Variants in RNLS observed in about 807,000 individuals in gnomAD.
The protein encoded by RNLS is renalase, FAD dependent amine oxidase.
RNLS carries 39 observed loss-of-function variants against 39.8 expected under a neutral mutation model. That is an observed-to-expected ratio of 0.98 (90% CI 0.76 to 1.28). The LOEUF (loss-of-function observed/expected upper bound fraction) is 1.28, where lower values mean the gene tolerates loss of function less well. Among genes scored for constraint, RNLS ranks in the 50% most tolerant of loss-of-function variants. RNLS has a pLI of 0.00. For synonymous variants in RNLS, 147 were observed against 150.7 expected (o/e 0.98, Z 0.18); for missense variants, 410 against 413.3 (o/e 0.99, Z 0.07).
intron 4 of RNLS, among the ~76,000 whole-genome samples, chr10:88,411,892 G>A (rs989823400): frequency 6.6e-6 from 1 of 152,074 alleles, no homozygotes; most frequent in Non-Finnish European, 1.5e-5. Context: ...GCGATGACAT[G>A]GAGCTGTGTG....
At chr10:88,425,329 C>A (rs1315436941) in intron 4 of RNLS, among the ~76,000 whole-genome samples, 1 of 152,062 alleles carries the variant, frequency 6.6e-6, no homozygotes, top group Non-Finnish European at 1.5e-5. Context: ...TCCCCACTAC[C>A]CCTGCCCCAA....
At chr10:88,282,303 A>G (rs1484753408), downstream of RNLS, among the ~76,000 whole-genome samples, 1 of 152,092 alleles carries the variant, frequency 6.6e-6, no homozygotes, top group Admixed American at 6.6e-5. Context: ...TGGCAGCAGC[A>G]TGGTGCCTGT....
At position 88,284,832 on chromosome 10, in the gene RNLS, A is replaced by G. The variant is rs543514291; in HGVS notation, c.*522T>C. 19 of 985,466 alleles carry G rather than the reference A, an allele frequency of 1.9e-5. 1 individual carries two copies. In the African/African-American group the frequency reaches 3.0e-4, roughly 15 times the overall value. The allele number at this position is 985,466 out of a possible 1,614,324, so 61.0% of individuals were successfully genotyped here. A position where few individuals can be genotyped will look rare whatever the true frequency, so the allele number is the denominator to read the frequency against. ...TGATGACATATATGACCTACAATTC[A>G]GGATCACTTAATAACTTGGGGGATA... On this transcript the variant is annotated 3_prime_UTR_variant, in exon 7 of 7. Coordinates refer to ENST00000331772, the MANE Select transcript of RNLS (RefSeq NM_001031709.3).
chr10:88,438,915 C>T (rs1841557866), intron 4 of RNLS, among the ~76,000 whole-genome samples: 1 of 150,264 alleles, frequency 6.7e-6, no homozygotes. Context: ...TAACCAGAAT[C>T]GATTTCTGTA....
intron 5 of RNLS, among the ~76,000 whole-genome samples, chr10:88,315,954 G>A (rs776385388): frequency 4.0e-4 from 61 of 152,090 alleles, no homozygotes; most frequent in African/African-American, 1.3e-3. Flanking sequence ...AGCTTCCTCA[G>A]TGTTGCCTAA....
At chr10:88,257,950 TA>T in the RNLS span, among the ~76,000 whole-genome samples, 1,887 of 151,636 alleles carry the variant, frequency 0.012, 45 homozygotes, top group African/African-American at 0.043. Flanking sequence ...TTCCTTTACT[TA>T]AAAAAAAATC....
chr10:88,247,264 G>T, the RNLS span, among the ~76,000 whole-genome samples: 4 of 152,160 alleles, frequency 2.6e-5, no homozygotes, highest in Admixed American at 6.5e-5. Context: ...AACAGAGGGG[G>T]CTGGCCTCAT....
chr10:88,195,880 C>T, the RNLS span, among the ~76,000 whole-genome samples: 7 of 152,222 alleles, frequency 4.6e-5, no homozygotes, highest in Admixed American at 6.5e-5. Flanking sequence ...AGTAATGTGA[C>T]ATTGCTAGAG....
At chr10:88,199,287 G>A in the RNLS span, among the ~76,000 whole-genome samples, 1 of 152,096 alleles carries the variant, frequency 6.6e-6, no homozygotes, top group African/African-American at 2.4e-5. Flanking sequence ...AAATCTAGAG[G>A]CTGCCTTCTT....
intron 4 of RNLS, among the ~76,000 whole-genome samples, chr10:88,557,545 T>A (rs537334011): frequency 6.6e-6 from 1 of 152,126 alleles, no homozygotes; most frequent in African/African-American, 2.4e-5. Context: ...ATAAGATACA[T>A]TTGTGAAGAA....
chr10:88,441,491 A>G (rs971158224), intron 4 of RNLS, among the ~76,000 whole-genome samples: 1 of 152,230 alleles, frequency 6.6e-6, no homozygotes, highest in African/African-American at 2.4e-5. Context: ...GTCTCCTAGC[A>G]TATCTGCAGT....
chr10:88,538,174 G>A (rs918191891), intron 4 of RNLS, among the ~76,000 whole-genome samples: 1 of 152,148 alleles, frequency 6.6e-6, no homozygotes, highest in Non-Finnish European at 1.5e-5. Flanking sequence ...GATTCCGAAT[G>A]AAAGCAATCT....
chr10:88,339,588 G>A (rs1213817391), intron 5 of RNLS, among the ~76,000 whole-genome samples: 3 of 152,154 alleles, frequency 2.0e-5, no homozygotes, highest in African/African-American at 7.2e-5. Flanking sequence ...ATGATAAAAT[G>A]CAATAAAACA....
chr10:88,542,019 G>C (rs1848071450), intron 4 of RNLS, among the ~76,000 whole-genome samples: 1 of 152,136 alleles, frequency 6.6e-6, no homozygotes, highest in Non-Finnish European at 1.5e-5. Flanking sequence ...AGACGCCTTT[G>C]CATTTTCCTT....
chr10:88,376,602 C>T (rs1325024731), intron 4 of RNLS, among the ~76,000 whole-genome samples: 1 of 152,070 alleles, frequency 6.6e-6, no homozygotes, highest in Non-Finnish European at 1.5e-5. Context: ...AAAAAGCTTG[C>T]ACTCTTCATT....
At chr10:88,479,408 G>A (rs533349489) in intron 4 of RNLS, among the ~76,000 whole-genome samples, 4 of 152,140 alleles carry the variant, frequency 2.6e-5, no homozygotes, top group Non-Finnish European at 5.9e-5. Flanking sequence ...GTTTTCATCT[G>A]AGGAAAATTA....
downstream of RNLS, among the ~76,000 whole-genome samples, chr10:88,269,567 T>C (rs1182760981): frequency 6.6e-6 from 1 of 152,148 alleles, no homozygotes; most frequent in African/African-American, 2.4e-5. Flanking sequence ...AAGGTCTTGA[T>C]CCATTATTTG....
intron 4 of RNLS, among the ~76,000 whole-genome samples, chr10:88,472,443 G>T (rs1843597359): frequency 1.3e-5 from 2 of 152,126 alleles, no homozygotes; most frequent in African/African-American, 4.8e-5. Flanking sequence ...GAGACAGGAG[G>T]TGCTAAAGCA....
intron 4 of RNLS, among the ~76,000 whole-genome samples, chr10:88,415,548 T>C (rs1291335318): frequency 6.6e-6 from 1 of 152,104 alleles, no homozygotes; most frequent in Non-Finnish European, 1.5e-5. Flanking sequence ...ATAGAAAAAC[T>C]AAAAAAATAA....
Sources: gnomAD v4.1 joint callset for allele counts (sites outside exome capture counted in the v4.1 genomes callset) on GRCh38, gnomAD v4.1.1 for gene constraint, MANE v1.5 for transcripts, NCBI Gene and HGNC (gene_info 2026-07-23, HGNC 2026-07-21) for gene names.